Variants in KLHL21 observed in about 807,000 individuals in gnomAD.
KLHL21 encodes the protein kelch-like protein 21.
In KLHL21, 42 loss-of-function variants were observed where a neutral mutation model predicts 44.1. The ratio of observed to expected loss-of-function variants is 0.95; its 90% CI spans 0.74 to 1.23. KLHL21 has a LOEUF of 1.23. Among genes scored for constraint, KLHL21 ranks in the 50% most tolerant of loss-of-function variants. The pLI is 0.00. For missense variants in KLHL21, 918 were observed against 889.1 expected (o/e 1.03, Z -0.41); for synonymous variants, 524 against 411.6 (o/e 1.27, Z -3.31).
chr1:6,602,104 G>T lies in KLHL21; in HGVS notation c.714C>A (p.Val238=), dbSNP rs918208675. 3 of 1,472,728 alleles carry T rather than the reference G, an allele frequency of 2.0e-6. No individual in the cohort carries two copies. In the East Asian group the frequency reaches 8.3e-5, roughly 41 times the overall value. 91.2% of individuals were successfully genotyped at this position (1,472,728 alleles called of 1,614,324 possible). Residue 238 remains valine, a synonymous_variant, in exon 1 of 4, where the codon GTC becomes GTA. Transcript: ENST00000377658. ...AGCGCGCCACCAGCGGCTCGGCCTC[G>T]ACGTGCGCCAACAGGTAGAAGCGGC... is the stretch of plus-strand genomic sequence containing the variant. ...FVRRFYLLAH[V]EAEPLVARCP...
At position 6,591,529 on chromosome 1, in the gene KLHL21, G is replaced by A. The variant is rs1005414904; in HGVS notation, c.*1836C>T. Reference sequence around the variant, plus strand: ...TCCGTGGGTGCCCAGCTCAGTGCCTGGAACGGTCAGGGATTGAGGGCGTAG... The same window carrying A: ...TCCGTGGGTGCCCAGCTCAGTGCCTAGAACGGTCAGGGATTGAGGGCGTAG... On this transcript the variant is annotated 3_prime_UTR_variant, in exon 4 of 4. Transcript: ENST00000377658. 2.6e-5 allele frequency: 4 copies of A among 152,616 alleles called. No individual in the cohort carries two copies. The highest frequency in any genetic ancestry group is 2.6e-4 in the Admixed American group (4 of 15,296). 9.5% of individuals were successfully genotyped at this position (152,616 alleles called of 1,614,324 possible). A position where few individuals can be genotyped will look rare whatever the true frequency, so the allele number is the denominator to read the frequency against.
chr1:6,590,839 C>T lies in KLHL21; in HGVS notation c.*2526G>A, dbSNP rs1242265423. ...AAAATAAATATGTCAACCTGCCCGA[C>T]CCTCTGGGGTGAACTGGATGTGGAC... On this transcript the variant is annotated 3_prime_UTR_variant, in exon 4 of 4. Coordinates refer to ENST00000377658, the MANE Select transcript of KLHL21 (RefSeq NM_014851.4). 2.5e-6 allele frequency: 1 copy of T among 398,392 alleles called. No homozygotes were observed. The highest frequency in any genetic ancestry group is 4.4e-6 in the Non-Finnish European group (1 of 225,946). The allele number at this position is 398,392 out of a possible 1,614,324, so 24.7% of individuals were successfully genotyped here.
Position 6,595,480 on chromosome 1 carries a change from T to C in KLHL21, c.1500+5A>G. 1 of 1,613,982 alleles carries C rather than the reference T, an allele frequency of 6.2e-7. No individual in the cohort carries two copies. The highest frequency in any genetic ancestry group is 8.5e-7 in the Non-Finnish European group (1 of 1,179,950). Reference sequence around the variant, plus strand: ...CTTCCAATGCTGGCCCGCCTGAAAATTTACCTGATTCATGGACGGGATCTT... The same window carrying C: ...CTTCCAATGCTGGCCCGCCTGAAAACTTACCTGATTCATGGACGGGATCTT... On this transcript the variant is annotated splice_donor_5th_base_variant and intron_variant, in intron 3 of 3. Coordinates refer to ENST00000377658, the MANE Select transcript of KLHL21 (RefSeq NM_014851.4).
intron 2 of KLHL21, among the ~76,000 whole-genome samples, chr1:6,597,182 T>C (rs1258098804): frequency 6.6e-6 from 1 of 152,054 alleles, no homozygotes; most frequent in Non-Finnish European, 1.5e-5. Context: ...CTCCCACACG[T>C]GCAAGTGGCT....
rs1640841774 is a variant in KLHL21, at chr1:6,591,084, C to T, written c.*2281G>A. The T allele has an allele frequency of 2.5e-6, 1 of 398,570 alleles. No homozygotes were observed. 24.7% of individuals were successfully genotyped at this position (398,570 alleles called of 1,614,324 possible). On this transcript the variant is annotated 3_prime_UTR_variant, in exon 4 of 4. Transcript: ENST00000377658. ...ACATCCTTAAGTGGTGGAGACATGA[C>T]AGCCCAGAACCCACAGCAGAGGGAA...
chr1:6,599,307 G>T lies in KLHL21; in HGVS notation c.1167C>A (p.Ala389=), dbSNP rs372952934. 1 of 1,613,926 alleles carries T rather than the reference G, an allele frequency of 6.2e-7. No individual in the cohort carries two copies. The highest frequency in any genetic ancestry group is 8.5e-7 in the Non-Finnish European group (1 of 1,180,030). Residue 389 remains alanine (A), a synonymous_variant, in exon 2 of 4, where the codon GCC becomes GCA. Coordinates refer to ENST00000377658, the MANE Select transcript of KLHL21 (RefSeq NM_014851.4). ...VLDGLLYVVA[A]DSTERYDHTT... ...TGTGGTCATAGCGCTCGGTGCTGTC[G>T]GCGGCCACCACGTACAGCAGTCCGT...
At chr1:6,601,667 CA>C (rs1641021575) in intron 1 of KLHL21, 129 bp downstream of exon 1, 1 of 1,388,886 alleles carries the variant, frequency 7.2e-7, no homozygotes, top group African/African-American at 1.5e-5. Flanking sequence ...ATGTAGTCAC[CA>C]GAGCCCCAGC....
chr1:6,593,512 G>A lies in KLHL21; in HGVS notation c.1647C>T (p.Pro549=). ...TGCTGACACTGCCATGCCAGAAGGT[G>A]GGTTCTGGGAGCCGCCCCACCACGC... The part of the protein sequence containing the change: ...AWSVVGRLPE[P]TFWHGSVSIF... Residue 549 remains proline (P), a synonymous_variant, in exon 4 of 4, where the codon CCC becomes CCT. Coordinates refer to ENST00000377658, the MANE Select transcript of KLHL21 (RefSeq NM_014851.4). 1 of 1,613,860 alleles carries A rather than the reference G, an allele frequency of 6.2e-7. No homozygotes were observed. The highest frequency in any genetic ancestry group is 1.6e-4 in the Middle Eastern group (1 of 6,062).
At position 6,590,803 on chromosome 1, in the gene KLHL21, C is replaced by G; in HGVS notation, c.*2562G>C. ...GCAGGATTCTGGACATGGAAGCCTA[C>G]AGAATAGACAAAAATAAATATGTCA... On this transcript the variant is annotated 3_prime_UTR_variant, in exon 4 of 4. Transcript: ENST00000377658. 1 of 397,082 alleles carries G rather than the reference C, an allele frequency of 2.5e-6. No homozygotes were observed. Among genetic ancestry groups the G allele is most frequent in the African/African-American group, 2.1e-5 (1 of 48,726 alleles). The allele number at this position is 397,082 out of a possible 1,614,324, so 24.6% of individuals were successfully genotyped here.
chr1:6,598,415 T>C (rs1303005954), intron 2 of KLHL21, among the ~76,000 whole-genome samples: 8 of 150,782 alleles, frequency 5.3e-5, no homozygotes, highest in East Asian at 2.0e-4. Flanking sequence ...ACTAAAAATA[T>C]AAAAATCAGC....
chr1:6,594,848 G>GC (rs1640902009), intron 3 of KLHL21: 1 of 152,906 alleles, frequency 6.5e-6, no homozygotes, highest in Non-Finnish European at 1.5e-5. Context: ...GGGTAACACA[G>GC]CAAGACCCTG....
rs771224703 is a variant in KLHL21, at chr1:6,595,536, G to A, written c.1449C>T (p.Asp483=). The A allele has an allele frequency of 9.9e-6, 16 of 1,613,892 alleles. No homozygotes were observed. The highest frequency in any genetic ancestry group is 5.5e-5 in the South Asian group (5 of 91,078). ...YFVRDDSAEV[D]VYNPTRNEWD... is the part of the protein sequence containing the mutation. ...ATTCGTTCCTCGTCGGGTTGTACAC[G>A]TCCACCTCAGCGGAGTCATCCCTGT... The change falls in exon 3 of 4, where the codon GAC becomes GAT. Residue 483 remains aspartate (D), a synonymous_variant. Coordinates refer to ENST00000377658, the MANE Select transcript of KLHL21 (RefSeq NM_014851.4).
In KLHL21 at chr1:6,599,106, G is replaced by A. The variant is rs1342298665; in HGVS notation, c.1368C>T (p.Leu456=). The A allele has an allele frequency of 1.2e-6, 2 of 1,612,616 alleles. No homozygotes were observed. Among genetic ancestry groups the A allele is most frequent in the African/African-American group, 1.3e-5 (1 of 74,936 alleles). Residue 456 remains leucine (L), a synonymous_variant, in exon 2 of 4, where the codon CTC becomes CTT. Transcript: ENST00000377658. ...TCTTGGGGGCGAAGGACCAGGGCGG[G>A]AGCTGGCCGCAGTCCACCAGCGACC... The part of the protein sequence containing the change: ...DLWSLVDCGQ[L]PPWSFAPKTA...
intron 3 of KLHL21, 194 bp from the exon 4 acceptor site, chr1:6,593,852 T>C: frequency 7.3e-7 from 1 of 1,366,622 alleles, no homozygotes; most frequent in Non-Finnish European, 9.4e-7. Context: ...CGGAGGCAGC[T>C]GGGCCTTCCC....
rs115060437 is a variant in KLHL21, at chr1:6,592,119, C to T, written c.*1246G>A. Reference sequence around the variant, plus strand: ...TGGGACATATTAAGGCAACCAGCCACGCCATCTGGCCAGCACAAGGGACTT... The same window carrying T: ...TGGGACATATTAAGGCAACCAGCCATGCCATCTGGCCAGCACAAGGGACTT... On this transcript the variant is annotated 3_prime_UTR_variant, in exon 4 of 4. Transcript: ENST00000377658. 8.3e-3 allele frequency: 1,271 copies of T among 152,434 alleles called. 24 individuals are homozygous for T. The highest frequency in any genetic ancestry group is 0.029 in the African/African-American group (1,198 of 41,566). The allele number at this position is 152,434 out of a possible 1,614,324, so 9.4% of individuals were successfully genotyped here.
chr1:6,592,473 C>T lies in KLHL21; in HGVS notation c.*892G>A, dbSNP rs1462916234. On this transcript the variant is annotated 3_prime_UTR_variant, in exon 4 of 4. Transcript: ENST00000377658. ...AGCTGACCCTGTAGAGCTCCTTCTT[C>T]TTCCCACTTCTTCTAAGGTCAAACT... 6.6e-6 allele frequency: 1 copy of T among 152,306 alleles called. No homozygotes were observed. The highest frequency in any genetic ancestry group is 6.5e-5 in the Admixed American group (1 of 15,290). The allele number at this position is 152,306 out of a possible 1,614,324, so 9.4% of individuals were successfully genotyped here.
At chr1:6,596,216 C>G (rs556604175) in intron 2 of KLHL21, among the ~76,000 whole-genome samples, 1 of 152,152 alleles carries the variant, frequency 6.6e-6, no homozygotes, top group Non-Finnish European at 1.5e-5. Context: ...CTGGCCAACA[C>G]GATGAAACCC....
Position 6,602,142 on chromosome 1 carries a change from G to C in KLHL21, c.676C>G (p.Leu226Val). The stretch of plus-strand genomic sequence containing the variant: ...AGGTAGAAGCGGCGCACGAAGGGCA[G>C]GCGCACGGCCTCCAGCAGCTGCGGC... ...HWPQLLEAVR[L>V]PFVRRFYLLA... The change falls in exon 1 of 4, where the codon CTG (leucine) becomes GTG (valine). Residue 226 changes from leucine to valine, a missense_variant. Coordinates refer to ENST00000377658, the MANE Select transcript of KLHL21 (RefSeq NM_014851.4). 1 of 1,421,800 alleles carries C rather than the reference G, an allele frequency of 7.0e-7. No individual in the cohort carries two copies. The highest frequency in any genetic ancestry group is 9.1e-7 in the Non-Finnish European group (1 of 1,097,832). 88.1% of individuals were successfully genotyped at this position (1,421,800 alleles called of 1,614,324 possible). A position where few individuals can be genotyped will look rare whatever the true frequency, so the allele number is the denominator to read the frequency against.
At chr1:6,598,446 T>C (rs932545400) in intron 2 of KLHL21, among the ~76,000 whole-genome samples, 4 of 152,088 alleles carry the variant, frequency 2.6e-5, no homozygotes, top group Non-Finnish European at 5.9e-5. Flanking sequence ...GGCACATGCC[T>C]GTAATCCCAG....
Sources: gnomAD v4.1 joint callset for allele counts (sites outside exome capture counted in the v4.1 genomes callset) on GRCh38, gnomAD v4.1.1 for gene constraint, MANE v1.5 for transcripts, NCBI Gene and HGNC (gene_info 2026-07-23, HGNC 2026-07-21) for gene names.